Variants in TIA1 observed in about 807,000 individuals in gnomAD.
The protein encoded by TIA1 is cytotoxic granule associated RNA binding protein TIA1.
A neutral mutation model predicts 65.9 loss-of-function variants in TIA1; 23 were observed. The ratio of observed to expected loss-of-function variants is 0.35; its 90% CI spans 0.25 to 0.49. The LOEUF is 0.49. Ranked by LOEUF, TIA1 falls within the 20% of genes least tolerant of loss-of-function variation. The pLI, the probability that TIA1 is intolerant of heterozygous loss-of-function variation, is 0.98. For synonymous variants in TIA1, 147 were observed against 149.4 expected, an observed-to-expected ratio of 0.98 and a Z score of 0.12; for missense variants, 371 against 477.9, an observed-to-expected ratio of 0.78 and a Z score of 2.09.
Position 70,235,603 on chromosome 2 carries a change from A to G in TIA1, c.123+476T>C, listed in dbSNP as rs111325497. Among the ~76,000 whole-genome samples the G allele has an allele frequency of 4.7e-3, 704 of 150,326 alleles. 4 individuals carry two copies. Among genetic ancestry groups the G allele is most frequent in the African/African-American group, 0.016 (667 of 40,446 alleles). On this transcript the variant is annotated intron_variant, in intron 2 of 12. Transcript: ENST00000433529. ...GTGTGTTTAATACATTGTCTCATAA[A>G]TAGGAATTGCCTAAATACAAGAAAA...
In TIA1 at chr2:70,211,944, C is replaced by T. The variant is rs1030312952; in HGVS notation, c.*775G>A. 6.6e-6 allele frequency: 1 copy of T among 152,354 alleles called. No individual in the cohort carries two copies. Among genetic ancestry groups the T allele is most frequent in the Non-Finnish European group, 1.5e-5 (1 of 68,010 alleles). 9.4% of individuals were successfully genotyped at this position (152,354 alleles called of 1,614,324 possible). ...GTAACAAGTTTTTGTTTTTATAGTT[C>T]CTGGTACACAGCAAAGTTTATCACG... is the stretch of plus-strand genomic sequence containing the variant. On this transcript the variant is annotated 3_prime_UTR_variant, in exon 13 of 13. Coordinates refer to ENST00000433529, the MANE Select transcript of TIA1 (RefSeq NM_022173.4).
At chr2:70,244,834 CAAAAAAAAA>C (rs70956958) in intron 1 of TIA1, among the ~76,000 whole-genome samples, 3 of 53,486 alleles carry the variant, frequency 5.6e-5, no homozygotes, top group African/African-American at 1.4e-4. Context: ...GACTCTGTCT[CAAAAAAAAA>C]AAAAAAAAAA....
intron 1 of TIA1, among the ~76,000 whole-genome samples, chr2:70,242,854 G>A (rs1558962840): frequency 1.3e-5 from 2 of 151,990 alleles, no homozygotes; most frequent in Non-Finnish European, 2.9e-5. Flanking sequence ...GATGCTCTGA[G>A]GTGGAACAGT....
At chr2:70,245,014 C>A (rs1693665110) in intron 1 of TIA1, among the ~76,000 whole-genome samples, 3 of 152,040 alleles carry the variant, frequency 2.0e-5, no homozygotes, top group Admixed American at 2.0e-4. Flanking sequence ...TGGGCTCCGT[C>A]TTGCTCTGTC....
chr2:70,221,114 C>T (rs1324416495), intron 7 of TIA1, among the ~76,000 whole-genome samples: 1 of 152,128 alleles, frequency 6.6e-6, no homozygotes, highest in Non-Finnish European at 1.5e-5. Flanking sequence ...TCAAGCGATT[C>T]TCCTGCCTCA....
chr2:70,214,538 T>C lies in TIA1; in HGVS notation c.889-44A>G, dbSNP rs1244680846. The C allele has an allele frequency of 3.4e-6, 5 of 1,490,322 alleles. No individual in the cohort carries two copies. In the Admixed American group the frequency reaches 8.5e-5, roughly 25 times the overall value. The allele number at this position is 1,490,322 out of a possible 1,614,324, so 92.3% of individuals were successfully genotyped here. ...TATTACTTGAAGTTAACTATATATA[T>C]ACAATCCTAATATGCTGATACCACA... On this transcript the variant is annotated intron_variant, in intron 11 of 12. Transcript: ENST00000433529.
intron 1 of TIA1, among the ~76,000 whole-genome samples, chr2:70,247,551 T>C (rs1558996176): frequency 6.6e-6 from 1 of 152,114 alleles, no homozygotes; most frequent in Non-Finnish European, 1.5e-5. Flanking sequence ...ACTCATCCGA[T>C]AATACCTCGA....
chr2:70,214,618 CAAG>C lies in TIA1; in HGVS notation c.889-127_889-125del, dbSNP rs1239799037. Reference sequence around the variant, plus strand: ...ATTACAATTAAAATGACAGGATAAACAAGAGTTGACTGCTAAAAAAAAAAAAAA... The same window carrying C: ...ATTACAATTAAAATGACAGGATAAACAGTTGACTGCTAAAAAAAAAAAAAA... On this transcript the variant is annotated intron_variant, in intron 11 of 12. Coordinates refer to ENST00000433529, the MANE Select transcript of TIA1 (RefSeq NM_022173.4). 40 of 401,110 alleles carry C rather than the reference CAAG, an allele frequency of 1.0e-4. No individual in the cohort carries two copies. In the East Asian group the frequency reaches 1.1e-3, roughly 11 times the overall value. The allele number at this position is 401,110 out of a possible 1,614,324, so 24.8% of individuals were successfully genotyped here. A position where few individuals can be genotyped will look rare whatever the true frequency, so the allele number is the denominator to read the frequency against.
At chr2:70,230,694 A>T (rs1353155223) in intron 3 of TIA1, 62 bp downstream of exon 3, 13 of 1,330,624 alleles carry the variant, frequency 9.8e-6, no homozygotes, top group Admixed American at 2.4e-5. Context: ...AAAAGGAAAC[A>T]AAATCATATA....
At chr2:70,246,715 A>G (rs1694521593) in intron 1 of TIA1, among the ~76,000 whole-genome samples, 1 of 152,074 alleles carries the variant, frequency 6.6e-6, no homozygotes, top group African/African-American at 2.4e-5. Context: ...GTGAAACCCC[A>G]TCTCTACTAA....
intron 10 of TIA1, 30 bp downstream of exon 10, chr2:70,216,178 A>G: frequency 6.8e-7 from 1 of 1,478,710 alleles, no homozygotes; most frequent in African/African-American, 1.5e-5. Context: ...CATTACCAAG[A>G]AAAATGTTTT....
At chr2:70,230,376 C>T (rs539418625) in intron 3 of TIA1, among the ~76,000 whole-genome samples, 10 of 151,834 alleles carry the variant, frequency 6.6e-5, no homozygotes, top group East Asian at 5.8e-4. Flanking sequence ...TTCAGCCAGG[C>T]GCGGTGGCTC....
chr2:70,222,124 C>CA (rs1160962036), intron 7 of TIA1, among the ~76,000 whole-genome samples: 1 of 147,816 alleles, frequency 6.8e-6, no homozygotes, highest in Non-Finnish European at 1.5e-5. Flanking sequence ...GCTGTTAAAA[C>CA]AAAAACAAAA....
In TIA1 at chr2:70,212,532, C is replaced by T. The variant is rs1676743041; in HGVS notation, c.*187G>A. On this transcript the variant is annotated 3_prime_UTR_variant, in exon 13 of 13. Coordinates refer to ENST00000433529, the MANE Select transcript of TIA1 (RefSeq NM_022173.4). ...ATGAAGGCAAAAATTGGCAGACATC[C>T]AGCATCTTGTTTCTTTTTAAAACAA... 2.2e-6 allele frequency: 1 copy of T among 450,756 alleles called. No homozygotes were observed. The highest frequency in any genetic ancestry group is 3.1e-5 in the Admixed American group (1 of 32,190). 27.9% of individuals were successfully genotyped at this position (450,756 alleles called of 1,614,324 possible).
In TIA1 at chr2:70,224,544, C is replaced by A. The variant is rs760401337; in HGVS notation, c.474+10G>T. ...TTAAGCATTATCCATGCACTTCTCA[C>A]TGAGCTCACCCATTTGTTGAAAAAG... is the stretch of plus-strand genomic sequence containing the variant. On this transcript the variant is annotated intron_variant, in intron 7 of 12. Coordinates refer to ENST00000433529, the MANE Select transcript of TIA1 (RefSeq NM_022173.4). 11 of 1,613,902 alleles carry A rather than the reference C, an allele frequency of 6.8e-6. No individual in the cohort carries two copies. The highest frequency in any genetic ancestry group is 1.6e-4 in the Middle Eastern group (1 of 6,080).
chr2:70,244,993 T>C (rs533429105), intron 1 of TIA1, among the ~76,000 whole-genome samples: 26 of 152,096 alleles, frequency 1.7e-4, no homozygotes, highest in African/African-American at 5.1e-4. Flanking sequence ...CATTAGTATA[T>C]AGCAATTAAT....
intron 5 of TIA1, 134 bp from the exon 6 acceptor site, chr2:70,227,956 T>C: frequency 1.7e-6 from 1 of 575,676 alleles, no homozygotes; most frequent in Non-Finnish European, 3.0e-6. Flanking sequence ...CACTATCCTA[T>C]ATCTATACAA....
intron 2 of TIA1, among the ~76,000 whole-genome samples, chr2:70,231,554 C>A (rs1191432564): frequency 6.6e-6 from 1 of 152,106 alleles, no homozygotes; most frequent in East Asian, 1.9e-4. Flanking sequence ...GACTAGGTAT[C>A]CTAACTGGAT....
intron 11 of TIA1, among the ~76,000 whole-genome samples, chr2:70,214,824 A>G (rs1438393899): frequency 6.6e-6 from 1 of 152,142 alleles, no homozygotes; most frequent in East Asian, 1.9e-4. Flanking sequence ...TTTCCTTTAG[A>G]TAGGGAAGAT....
Sources: allele counts gnomAD v4.1 joint callset (sites outside exome capture counted in the v4.1 genomes callset), GRCh38; gene constraint gnomAD v4.1.1; transcripts MANE v1.5; gene names NCBI Gene and HGNC (gene_info 2026-07-23, HGNC 2026-07-21).